TMEM270: variants seen among roughly 807,000 people sequenced by gnomAD.
The protein encoded by TMEM270 is Williams-Beuren syndrome chromosome region 28.
A neutral mutation model predicts 29.9 loss-of-function variants in TMEM270; 30 were observed. The ratio of observed to expected loss-of-function variants is 1.00; its 90% CI spans 0.75 to 1.36. TMEM270 has a LOEUF of 1.36. TMEM270 is among the 40% of genes most tolerant of loss of function. The probability of loss-of-function intolerance (pLI) is 0.00; values close to 1 mark genes in which losing one functional copy is unlikely to be tolerated. For synonymous variants in TMEM270, 135 were observed against 139.8 expected (o/e 0.97, Z 0.24); for missense variants, 313 against 307.1 (o/e 1.02, Z -0.14).
At chr7:73,861,508 G>T in intron 1 of TMEM270, 1 of 634,824 alleles carries the variant, frequency 1.6e-6, no homozygotes, top group Non-Finnish European at 2.9e-6. Flanking sequence ...GGAGCGCAGT[G>T]GTGCCGGCTC....
intron 1 of TMEM270, among the ~76,000 whole-genome samples, chr7:73,864,210 C>T (rs540966943): frequency 6.7e-6 from 1 of 149,304 alleles, no homozygotes; most frequent in Non-Finnish European, 1.5e-5. Context: ...ATTGCTTGAG[C>T]CTATGAGTTC....
intron 1 of TMEM270, among the ~76,000 whole-genome samples, chr7:73,863,912 G>A (rs1395944282): frequency 1.3e-5 from 2 of 152,064 alleles, no homozygotes; most frequent in Admixed American, 6.6e-5. Context: ...ACAGGATTGG[G>A]GTGGGGGATC....
chr7:73,861,567 A>G, intron 1 of TMEM270: 1 of 539,642 alleles, frequency 1.9e-6, no homozygotes, highest in South Asian at 1.6e-5. Flanking sequence ...CTCCCCCCTC[A>G]GCCTCCAAGT....
chr7:73,861,284 G>GGGGGT lies in TMEM270; in HGVS notation c.72+18_72+19insGGGGT. The GGGGGT allele has an allele frequency of 2.3e-6, 2 of 858,164 alleles. No individual in the cohort carries two copies. Among genetic ancestry groups the GGGGGT allele is most frequent in the Non-Finnish European group, 3.7e-6 (2 of 540,166 alleles). The allele number at this position is 858,164 out of a possible 1,614,324, so 53.2% of individuals were successfully genotyped here. On this transcript the variant is annotated intron_variant, in intron 1 of 2. Transcript: ENST00000320531. ...CAGTGCTGGTGAGTGGGGGCTGGGG[G>GGGGGT]TAAGTGGGGTGGGGACCACACACCA...
chr7:73,861,235 T>A lies in TMEM270; in HGVS notation c.41T>A (p.Ile14Asn), dbSNP rs11770052. The change falls in exon 1 of 3, where the codon ATC becomes AAC. Residue 14 changes from isoleucine (I) to asparagine (N), a missense_variant. Ile to Asn is a moderately radical substitution (Grantham distance 149). Coordinates refer to ENST00000320531, the MANE Select transcript of TMEM270 (RefSeq NM_182504.4). Reference protein sequence around the residue: ...LPPVRSSLLGILLQVTRLSVL... With the variant: ...LPPVRSSLLGNLLQVTRLSVL... ...CCAGTCAGATCCAGCCTTTTGGGGATCCTGTTGCAGGTTACGAGGCTCTCA... is the reference window on the plus strand; with the variant it reads ...CCAGTCAGATCCAGCCTTTTGGGGAACCTGTTGCAGGTTACGAGGCTCTCA... 0.71 allele frequency: 1,145,004 copies of A among 1,612,612 alleles called. 414,843 individuals carry two copies. Among genetic ancestry groups the A allele is most frequent in the Non-Finnish European group, 0.76 (893,083 of 1,179,392 alleles).
chr7:73,861,125 G>T, upstream of TMEM270: 3 of 1,520,516 alleles, frequency 2.0e-6, no homozygotes, highest in South Asian at 3.4e-5. Context: ...ATGGTAACTT[G>T]GTCCCCACCC....
chr7:73,865,533 A>T (rs781842731), intron 2 of TMEM270, 44 bp from the exon 3 acceptor site: 1 of 1,597,458 alleles, frequency 6.3e-7, no homozygotes, highest in East Asian at 2.2e-5. Context: ...GTGTAACCCT[A>T]TGAGCTCCTA....
In TMEM270 at chr7:73,861,211, C is replaced by T. The variant is rs1554639182; in HGVS notation, c.17C>T (p.Pro6Leu). Residue 6 changes from proline (P) to leucine (L), a missense_variant, in exon 1 of 3, where the codon CCA becomes CTA. Physicochemically the swap from Pro to Leu is moderately conservative, Grantham distance 98. Coordinates refer to ENST00000320531, the MANE Select transcript of TMEM270 (RefSeq NM_182504.4). ...AGGCCAGACATGGAGGCCCTTCCTC[C>T]AGTCAGATCCAGCCTTTTGGGGATC... The part of the protein sequence containing the change: MEALP[P>L]VRSSLLGILL... 6.2e-7 allele frequency: 1 copy of T among 1,613,560 alleles called. No homozygotes were observed. The highest frequency in any genetic ancestry group is 1.3e-5 in the African/African-American group (1 of 75,036).
rs782535258 is a variant in TMEM270 at position 73,865,065 on chromosome 7, G to A, written c.145G>A (p.Gly49Arg). The change falls in exon 2 of 3, where the codon GGG becomes AGG. Residue 49 changes from glycine to arginine, a missense_variant. By Grantham distance (125) the Gly-to-Arg change is moderately radical (BLOSUM62 -2). Transcript: ENST00000320531. ...KINLFNHWVS[G>R]LAQEARGSCN... Reference sequence around the variant, plus strand: ...CAACCTCTTCAACCACTGGGTGTCAGGGCTGGCCCAGGAGGCCCGGGGGTC... The same window carrying A: ...CAACCTCTTCAACCACTGGGTGTCAAGGCTGGCCCAGGAGGCCCGGGGGTC... 1.7e-5 allele frequency: 26 copies of A among 1,538,326 alleles called. No homozygotes were observed. The highest frequency in any genetic ancestry group is 2.1e-5 in the Non-Finnish European group (24 of 1,143,194).
chr7:73,861,912 C>T (rs1219211053), intron 1 of TMEM270, among the ~76,000 whole-genome samples: 1 of 151,884 alleles, frequency 6.6e-6, no homozygotes, highest in African/African-American at 2.4e-5. Flanking sequence ...AGTTCTTCTG[C>T]CTCAGCCTCC....
At chr7:73,862,043 C>T (rs1022007160) in intron 1 of TMEM270, among the ~76,000 whole-genome samples, 5 of 151,760 alleles carry the variant, frequency 3.3e-5, no homozygotes, top group South Asian at 2.1e-4. Context: ...GTGATCTGCC[C>T]GCCTCAGCTC....
intron 2 of TMEM270, 41 bp from the exon 3 acceptor site, chr7:73,865,536 A>C (rs1788889078): frequency 6.3e-7 from 1 of 1,598,708 alleles, no homozygotes; most frequent in Non-Finnish European, 8.5e-7. Flanking sequence ...TAACCCTATG[A>C]GCTCCTAAGG....
At chr7:73,865,499 GC>G in intron 2 of TMEM270, 77 bp from the exon 3 acceptor site, 1 of 1,578,818 alleles carries the variant, frequency 6.3e-7, no homozygotes, top group African/African-American at 1.3e-5. Flanking sequence ...GGCTGGGCTT[GC>G]AGGGGGGAGC....
chr7:73,865,662 C>T lies in TMEM270; in HGVS notation c.587C>T (p.Thr196Ile), dbSNP rs1194636543. The T allele has an allele frequency of 2.5e-6, 4 of 1,614,010 alleles. No homozygotes were observed. Among genetic ancestry groups the T allele is most frequent in the African/African-American group, 1.3e-5 (1 of 74,914 alleles). Residue 196 changes from threonine (T) to isoleucine (I), a missense_variant, in exon 3 of 3, where the codon ACC becomes ATC. Thr to Ile is a moderately conservative substitution (Grantham distance 89, BLOSUM62 -1). Coordinates refer to ENST00000320531, the MANE Select transcript of TMEM270 (RefSeq NM_182504.4). Reference sequence around the variant, plus strand: ...TGGGTGGAGACTATGACTGCCCTCACCTCCTGGCACCTGGCCTATCTCATC... The same window carrying T: ...TGGGTGGAGACTATGACTGCCCTCATCTCCTGGCACCTGGCCTATCTCATC... ...YWWVETMTAL[T>I]SWHLAYLITW...
chr7:73,863,701 A>G (rs1788838860), intron 1 of TMEM270, among the ~76,000 whole-genome samples: 1 of 152,038 alleles, frequency 6.6e-6, no homozygotes, highest in South Asian at 2.1e-4. Context: ...GAAATCTGGA[A>G]GTCTTTCTGG....
intron 1 of TMEM270, among the ~76,000 whole-genome samples, chr7:73,861,949 C>T (rs1288538858): frequency 4.0e-5 from 6 of 151,864 alleles, no homozygotes; most frequent in African/African-American, 1.4e-4. Context: ...CAGGCACGTG[C>T]CATCATCCCT....
chr7:73,862,872 GAAAAAAAAA>G (rs71082281), intron 1 of TMEM270, among the ~76,000 whole-genome samples: 10 of 44,100 alleles, frequency 2.3e-4, no homozygotes, highest in South Asian at 1.2e-3. Context: ...CCCTGTCTCA[GAAAAAAAAA>G]AAAAAAAAAA....
At chr7:73,865,475 G>T (rs548452422) in intron 2 of TMEM270, 54 bp downstream of exon 2, 3 of 1,584,380 alleles carry the variant, frequency 1.9e-6, no homozygotes, top group African/African-American at 2.7e-5. Flanking sequence ...GGGGTACTGG[G>T]TGTGGTCAGG....
Position 73,865,082 on chromosome 7 carries a change from C to T in TMEM270, c.162C>T (p.Ala54=). 6.4e-7 allele frequency: 1 copy of T among 1,551,078 alleles called. No homozygotes were observed. The highest frequency in any genetic ancestry group is 1.2e-5 in the South Asian group (1 of 80,960). The change falls in exon 2 of 3, where the codon GCC becomes GCT. Residue 54 remains alanine (A), a synonymous_variant. Transcript: ENST00000320531. The part of the protein sequence containing the change: ...NHWVSGLAQE[A]RGSCNWQAHL... Reference sequence around the variant, plus strand: ...GGGTGTCAGGGCTGGCCCAGGAGGCCCGGGGGTCCTGTAACTGGCAGGCCC... The same window carrying T: ...GGGTGTCAGGGCTGGCCCAGGAGGCTCGGGGGTCCTGTAACTGGCAGGCCC...
Sources: allele counts gnomAD v4.1 joint callset (sites outside exome capture counted in the v4.1 genomes callset), GRCh38; gene constraint gnomAD v4.1.1; transcripts MANE v1.5; gene names NCBI Gene and HGNC (gene_info 2026-07-23, HGNC 2026-07-21).